The following MYH6 variants were observed in gnomAD, a reference collection of about 807,000 sequenced individuals.
MYH6 encodes the protein myosin-6.
Under a neutral mutation model 223.2 loss-of-function variants are expected in MYH6, and 126 were observed. That is an observed-to-expected ratio of 0.56 (90% CI 0.49 to 0.65). The LOEUF is 0.65. Ranked by LOEUF, MYH6 falls within the 30% of genes least tolerant of loss-of-function variation. The pLI is 0.00. For synonymous variants in MYH6, 978 were observed against 1,010.2 expected (o/e 0.97, Z 0.61); for missense variants, 2,040 against 2,536.4 (o/e 0.80, Z 4.20).
In MYH6 at chr14:23,385,725, T is replaced by C. The variant is rs180863124; in HGVS notation, c.5163+203A>G. ...TTGTGGCTTTGGCAGGTATCAGCAATCAATCATGACCCTCTTAGCTTCTAA... is the reference window on the plus strand; with the variant it reads ...TTGTGGCTTTGGCAGGTATCAGCAACCAATCATGACCCTCTTAGCTTCTAA... On this transcript the variant is annotated intron_variant, in intron 34 of 38. Coordinates refer to ENST00000405093, the MANE Select transcript of MYH6 (RefSeq NM_002471.4). Among the ~76,000 whole-genome samples the C allele has an allele frequency of 6.0e-3, 917 of 152,252 alleles. 7 individuals are homozygous for C. Among genetic ancestry groups the C allele is most frequent in the Admixed American group, 0.011 (171 of 15,294 alleles).
chr14:23,397,949 C>CTTCTTCTTCTTCTTCTTCTTT lies in MYH6; in HGVS notation c.1892-337_1892-336insAAAGAAGAAGAAGAAGAAGAA, dbSNP rs1555334319. Among the ~76,000 whole-genome samples, 61 of 78,958 alleles carry CTTCTTCTTCTTCTTCTTCTTT rather than the reference C, an allele frequency of 7.7e-4. 1 individual carries two copies. The highest frequency in any genetic ancestry group is 1.1e-3 in the Non-Finnish European group (43 of 39,842). 51.8% of individuals were successfully genotyped at this position (78,958 alleles called of 152,430 possible). On this transcript the variant is annotated intron_variant, in intron 15 of 38. Transcript: ENST00000405093. ...TCCTCCTCCTCTTCTTCTTCTTCTT[C>CTTCTTCTTCTTCTTCTTCTTT]TTCTTCTTCTTCTTCTTCTTCTTCT...
intron 25 of MYH6, among the ~76,000 whole-genome samples, chr14:23,391,781 A>T (rs1452448300): frequency 6.6e-6 from 1 of 152,180 alleles, no homozygotes; most frequent in Non-Finnish European, 1.5e-5. Context: ...GACAAACCCG[A>T]TACTAAAAGC....
At chr14:23,397,928 C>CTT (rs1891449473) in intron 15 of MYH6, among the ~76,000 whole-genome samples, 6 of 132,978 alleles carry the variant, frequency 4.5e-5, no homozygotes, top group Admixed American at 2.9e-4. Flanking sequence ...TCCTCCTCCT[C>CTT]CTCCTCTTCT....
At chr14:23,397,932 C>CTCCTCCTCTTCTTCT (rs1891452078) in intron 15 of MYH6, among the ~76,000 whole-genome samples, 6 of 90,212 alleles carry the variant, frequency 6.7e-5, no homozygotes, top group East Asian at 3.8e-4. Context: ...CCTCCTCCTC[C>CTCCTCCTCTTCTTCT]TCTTCTTCTT....
rs1288830681 is a variant in MYH6 at position 23,386,345 on chromosome 14, C to T, written c.4929G>A (p.Lys1643=). 6 of 1,614,144 alleles carry T rather than the reference C, an allele frequency of 3.7e-6. No homozygotes were observed. The highest frequency in any genetic ancestry group is 5.1e-6 in the Non-Finnish European group (6 of 1,180,014). The change falls in exon 33 of 39, where the codon AAG becomes AAA. Residue 1643 remains lysine, a synonymous_variant. Coordinates refer to ENST00000405093, the MANE Select transcript of MYH6 (RefSeq NM_002471.4). ...HANRMAAEAQ[K]QVKSLQSLLK... ...GCAAGCTCTGGAGGCTCTTGACTTG[C>T]TTCTGGGCCTCGGCAGCCATGCGGT...
At chr14:23,386,215 C>T (rs1475659172) in intron 33 of MYH6, 84 bp from the exon 34 acceptor site, 2 of 1,611,756 alleles carry the variant, frequency 1.2e-6, no homozygotes, top group African/African-American at 1.3e-5. Flanking sequence ...CCTGCAGTAA[C>T]CCAGGGGCAG....
rs1436441510 is a variant in MYH6 at position 23,393,443 on chromosome 14, G to A, written c.3004C>T (p.Gln1002Ter). The change falls in exon 23 of 39, where the codon CAA (glutamine) becomes TAA (stop). Residue 1002 changes from glutamine to a stop codon, truncating the protein, a stop_gained. Transcript: ENST00000405093. LOFTEE classifies it high-confidence loss of function. ...TCCAGGGCCTGCTGATGGGCCTCTT[G>A]TAGAGCTTTCTTCTCCTTGGTCAGC... Reference protein sequence around the residue: ...AKLTKEKKALQEAHQQALDDL... With the variant: ...AKLTKEKKAL 3.7e-6 allele frequency: 6 copies of A among 1,614,136 alleles called. No individual in the cohort carries two copies. The highest frequency in any genetic ancestry group is 5.1e-6 in the Non-Finnish European group (6 of 1,180,026).
Position 23,386,713 on chromosome 14 carries a change from A to G in MYH6, c.4651-90T>C, listed in dbSNP as rs147909914. ...AAGATACACGGTGTCAGCCAGGACTATCGCCCAGAGAAGAAGAGCTGAGAA... is the reference window on the plus strand; with the variant it reads ...AAGATACACGGTGTCAGCCAGGACTGTCGCCCAGAGAAGAAGAGCTGAGAA... On this transcript the variant is annotated intron_variant, in intron 32 of 38. Transcript: ENST00000405093. 1.4e-4 allele frequency: 203 copies of G among 1,457,476 alleles called. No individual in the cohort carries two copies. The African/African-American group carries it at 2.6e-3, about 19-fold the overall frequency. 90.3% of individuals were successfully genotyped at this position (1,457,476 alleles called of 1,614,324 possible).
Position 23,405,014 on chromosome 14 carries a change from T to C in MYH6, c.530+86A>G. On this transcript the variant is annotated intron_variant, in intron 6 of 38. Transcript: ENST00000405093. This position sits in a 1 kb window ranked among gnomAD's most constrained non-coding sequence, Gnocchi z 4.7. ...CCCATGCTCCCTGCAATCCCAGCCTTAAACCTCTCCTCCCAACTACACCCT... is the reference window on the plus strand; with the variant it reads ...CCCATGCTCCCTGCAATCCCAGCCTCAAACCTCTCCTCCCAACTACACCCT... 6.2e-7 allele frequency: 1 copy of C among 1,600,712 alleles called. No homozygotes were observed. Among genetic ancestry groups the C allele is most frequent in the South Asian group, 1.1e-5 (1 of 90,528 alleles).
chr14:23,384,468 G>A lies in MYH6; in HGVS notation c.5539C>T (p.Arg1847Trp), dbSNP rs752718246. The A allele has an allele frequency of 6.2e-6, 10 of 1,611,688 alleles. No homozygotes were observed. Among genetic ancestry groups the A allele is most frequent in the East Asian group, 4.5e-5 (2 of 44,892 alleles). ...ESVKGMRKSERRIKELTYQTE... is the reference protein window; with the variant it reads ...ESVKGMRKSEWRIKELTYQTE... ...TGGTAGGTGAGCTCCTTGATGCGCC[G>A]CTCGCTCTTCCTCATGCCCTTCACC... is the stretch of plus-strand genomic sequence containing the variant. Residue 1847 changes from arginine (R) to tryptophan (W), a missense_variant, in exon 36 of 39, where the codon CGG becomes TGG. This residue lies in a region of MYH6 where 1,203 missense variants were observed against 1,400.2 expected (regional missense o/e 0.86). Coordinates refer to ENST00000405093, the MANE Select transcript of MYH6 (RefSeq NM_002471.4).
In MYH6 at chr14:23,389,058, G is replaced by T; in HGVS notation, c.3979-3C>A. 1.3e-6 allele frequency: 2 copies of T among 1,549,668 alleles called. No individual in the cohort carries two copies. Among genetic ancestry groups the T allele is most frequent in the Non-Finnish European group, 1.7e-6 (2 of 1,154,042 alleles). On this transcript the variant is annotated splice_region_variant and splice_polypyrimidine_tract_variant and intron_variant, in intron 28 of 38. Transcript: ENST00000405093. ...GCATGGGCCAGGGCGTTCTTCGCCT[G>T]GGGAGGGGGGGGGGCACCAGGAGGT...
chr14:23,392,686 G>A, intron 24 of MYH6, 34 bp from the exon 25 acceptor site: 2 of 1,465,672 alleles, frequency 1.4e-6, no homozygotes, highest in Non-Finnish European at 1.9e-6. Context: ...GGGAGTGACA[G>A]GTAGCCTTCC....
chr14:23,399,175 A>T, intron 14 of MYH6, 138 bp from the exon 15 acceptor site: 1 of 1,033,682 alleles, frequency 9.7e-7, no homozygotes, highest in Non-Finnish European at 1.4e-6. Flanking sequence ...GGTACCTCTT[A>T]CCCTAAAACA....
Position 23,407,194 on chromosome 14 carries a change from C to T in MYH6, c.30G>A (p.Gly10=). The T allele has an allele frequency of 1.2e-6, 2 of 1,614,244 alleles. No homozygotes were observed. Among genetic ancestry groups the T allele is most frequent in the African/African-American group, 1.3e-5 (1 of 75,064 alleles). MTDAQMADF[G]AAAQYLRKSE... ...ACTTGCGGAGGTACTGGGCCGCTGC[C>T]CCAAAGTCAGCCATCTGGGCATCGG... Residue 10 remains glycine, a synonymous_variant, in exon 3 of 39, where the codon GGG becomes GGA. Transcript: ENST00000405093. This position sits in a 1 kb window ranked among gnomAD's most constrained non-coding sequence, Gnocchi z 5.6.
At position 23,397,910 on chromosome 14, in the gene MYH6, TCTC is replaced by T. The variant is rs1247030438; in HGVS notation, c.1892-300_1892-298del. Among the ~76,000 whole-genome samples the T allele has an allele frequency of 5.9e-3, 670 of 112,696 alleles. 25 individuals are homozygous for T. The highest frequency in any genetic ancestry group is 0.017 in the African/African-American group (447 of 26,082). 73.9% of individuals were successfully genotyped at this position (112,696 alleles called of 152,430 possible). A position where few individuals can be genotyped will look rare whatever the true frequency, so the allele number is the denominator to read the frequency against. Reference sequence around the variant, plus strand: ...TTCTTATATCTTTCCACATTCTAGTTCTCCTCCTCCTCCTCCTCCTCCTCTTCT... The same window carrying T: ...TTCTTATATCTTTCCACATTCTAGTTCTCCTCCTCCTCCTCCTCCTCTTCT... On this transcript the variant is annotated intron_variant, in intron 15 of 38. Coordinates refer to ENST00000405093, the MANE Select transcript of MYH6 (RefSeq NM_002471.4).
intron 30 of MYH6, 92 bp from the exon 31 acceptor site, chr14:23,388,015 A>G (rs1891090440): frequency 1.9e-6 from 3 of 1,604,788 alleles, no homozygotes; most frequent in Admixed American, 3.4e-5. Context: ...CCTCAGCCGC[A>G]TGTCCAAGAT....
Position 23,405,314 on chromosome 14 carries a change from C to T in MYH6, c.411G>A (p.Glu137=), listed in dbSNP as rs2277474. Reference sequence around the variant, plus strand: ...TCTTGCCCCGGTAGGCGGCCACCACCTCGGCATTGTACACCGGCAGCCACT... The same window carrying T: ...TCTTGCCCCGGTAGGCGGCCACCACTTCGGCATTGTACACCGGCAGCCACT... ...PYKWLPVYNA[E]VVAAYRGKKR... Residue 137 remains glutamate, a synonymous_variant, in exon 5 of 39, where the codon GAG becomes GAA. Coordinates refer to ENST00000405093, the MANE Select transcript of MYH6 (RefSeq NM_002471.4). The surrounding 1 kb of genome is among the most constrained non-coding windows in gnomAD (Gnocchi z 4.7). 0.24 allele frequency: 387,977 copies of T among 1,614,008 alleles called. 48,836 individuals are homozygous for T. Among genetic ancestry groups the T allele is most frequent in the Non-Finnish European group, 0.26 (308,095 of 1,179,956 alleles).
At position 23,383,339 on chromosome 14, in the gene MYH6, G is replaced by GGGGGGGGGGGGGGGCCCCCCC; in HGVS notation, c.5566-20_5566-19insGGGGGGGCCCCCCCCCCCCCC. On this transcript the variant is annotated intron_variant, in intron 36 of 38. Transcript: ENST00000405093. ...CCTCTGTCTGGGGGTGGGAGGGTGG[G>GGGGGGGGGGGGGGGCCCCCCC]AGAAGCTGGTTTGGAGGGGGAGCAA... 1.8e-5 allele frequency: 2 copies of GGGGGGGGGGGGGGGCCCCCCC among 108,194 alleles called. No individual in the cohort carries two copies. The highest frequency in any genetic ancestry group is 1.8e-5 in the Non-Finnish European group (1 of 54,382). The allele number at this position is 108,194 out of a possible 1,614,324, so 6.7% of individuals were successfully genotyped here.
In MYH6 at chr14:23,387,745, A is replaced by T. The variant is rs397516770; in HGVS notation, c.4525+13T>A. ...CACCAACTCATCTCTGGCCTCTTGGACCCCCAGCACACCCTGAAGGTTCTT... is the reference window on the plus strand; with the variant it reads ...CACCAACTCATCTCTGGCCTCTTGGTCCCCCAGCACACCCTGAAGGTTCTT... On this transcript the variant is annotated intron_variant, in intron 31 of 38. Coordinates refer to ENST00000405093, the MANE Select transcript of MYH6 (RefSeq NM_002471.4). 1 of 1,613,296 alleles carries T rather than the reference A, an allele frequency of 6.2e-7. No homozygotes were observed. Among genetic ancestry groups the T allele is most frequent in the East Asian group, 2.2e-5 (1 of 44,818 alleles).
Sources: gnomAD v4.1 joint callset for allele counts (sites outside exome capture counted in the v4.1 genomes callset) on GRCh38, gnomAD v4.1.1 for gene constraint, gnomAD v4.1.1 regional missense constraint, Gnocchi (gnomAD v3.1) non-coding constraint, MANE v1.5 for transcripts, NCBI Gene and HGNC (gene_info 2026-07-23, HGNC 2026-07-21) for gene names.